KAT6A: variants seen among roughly 807,000 people sequenced by gnomAD.
The protein encoded by KAT6A is lysine acetyltransferase 6A.
KAT6A carries 9 observed loss-of-function variants against 198.4 expected under a neutral mutation model. The observed-to-expected ratio is 0.05, with a 90% confidence interval of 0.03 to 0.08. The LOEUF (loss-of-function observed/expected upper bound fraction) is 0.08. Among genes scored for constraint, KAT6A ranks in the 10% least tolerant of loss-of-function variants. The pLI is 1.00. For missense variants in KAT6A, 2,077 were observed against 2,509.9 expected (o/e 0.83, Z 3.69); for synonymous variants, 890 against 883.0 (o/e 1.01, Z -0.14).
At chr8:41,996,738 C>A (rs1264044984) in intron 2 of KAT6A, among the ~76,000 whole-genome samples, 1 of 152,136 alleles carries the variant, frequency 6.6e-6, no homozygotes, top group African/African-American at 2.4e-5. Context: ...AGAGATGAGG[C>A]CCCTTGATCT....
At position 41,937,460 on chromosome 8, in the gene KAT6A, C is replaced by T; in HGVS notation, c.3148G>A (p.Glu1050Lys). The T allele has an allele frequency of 6.2e-7, 1 of 1,614,138 alleles. No individual in the cohort carries two copies. Among genetic ancestry groups the T allele is most frequent in the Non-Finnish European group, 8.5e-7 (1 of 1,180,000 alleles). ...ATTGGCCTCTCGGAGTCAGAATCTT[C>T]AAAAGGTTCATCTAACACTTCAGTG... ...ETTEVLDEPFEDSDSERPMPR... is the reference protein window; with the variant it reads ...ETTEVLDEPFKDSDSERPMPR... Residue 1050 changes from glutamate to lysine, a missense_variant, in exon 16 of 17, where the codon GAA becomes AAA. By Grantham distance (56) the Glu-to-Lys change is moderately conservative (BLOSUM62 1). This residue lies in a region of KAT6A where 375 missense variants were observed against 383.0 expected (regional missense o/e 0.98). Coordinates refer to ENST00000265713, the MANE Select transcript of KAT6A (RefSeq NM_006766.5).
At chr8:41,955,906 A>G (rs1255670791) in intron 8 of KAT6A, among the ~76,000 whole-genome samples, 2 of 152,214 alleles carry the variant, frequency 1.3e-5, no homozygotes, top group South Asian at 2.1e-4. Flanking sequence ...GAGAAATACA[A>G]AAAGAATCTG....
At chr8:41,977,924 T>TA (rs559463496) in intron 6 of KAT6A, among the ~76,000 whole-genome samples, 12 of 152,174 alleles carry the variant, frequency 7.9e-5, no homozygotes, top group South Asian at 2.1e-4. Context: ...GTCTTACGTG[T>TA]AAAAAAAGTA....
chr8:42,031,948 G>A (rs1483435384), intron 2 of KAT6A, among the ~76,000 whole-genome samples: 1 of 141,702 alleles, frequency 7.1e-6, no homozygotes, highest in Non-Finnish European at 1.5e-5. Flanking sequence ...TTTTTTTTTT[G>A]AGACGGAGTC....
In KAT6A at chr8:41,940,912, T is replaced by C; in HGVS notation, c.2969A>G (p.Glu990Gly). Residue 990 changes from glutamate (E) to glycine (G), a missense_variant, in exon 15 of 17, where the codon GAG becomes GGG. Coordinates refer to ENST00000265713, the MANE Select transcript of KAT6A (RefSeq NM_006766.5). ...VLRGFSESSE[E>G]EEEPESPRSS... ...CCGAGGGCTTTCCGGCTCCTCCTCCTCCTCGCTGCTCTCACTGAAGCCCCT... is the reference window on the plus strand; with the variant it reads ...CCGAGGGCTTTCCGGCTCCTCCTCCCCCTCGCTGCTCTCACTGAAGCCCCT... The C allele has an allele frequency of 6.2e-7, 1 of 1,614,178 alleles. No individual in the cohort carries two copies. Among genetic ancestry groups the C allele is most frequent in the Non-Finnish European group, 8.5e-7 (1 of 1,180,032 alleles).
rs774516596 is a variant in KAT6A at position 41,942,844 on chromosome 8, C to T, written c.2385G>A (p.Glu795=). The part of the protein sequence containing the change: ...VVSEEEEEEA[E]EGENEEPQCQ... ...ACTGTGGCTCTTCGTTTTCTCCTTC[C>T]TCAGCCTCCTCTTCTTCCTCCTCTG... is the stretch of plus-strand genomic sequence containing the variant. Residue 795 remains glutamate (E), a synonymous_variant, in exon 14 of 17, where the codon GAG becomes GAA. Transcript: ENST00000265713. 1 of 1,614,122 alleles carries T rather than the reference C, an allele frequency of 6.2e-7. No homozygotes were observed. The highest frequency in any genetic ancestry group is 8.5e-7 in the Non-Finnish European group (1 of 1,180,008).
chr8:41,977,428 T>C (rs1824117220), intron 6 of KAT6A, 101 bp from the exon 7 acceptor site: 1 of 680,624 alleles, frequency 1.5e-6, no homozygotes, highest in African/African-American at 1.8e-5. Context: ...TACAGCTTTA[T>C]TAAAATCTAT....
chr8:41,960,359 C>T (rs1186636102), intron 8 of KAT6A, among the ~76,000 whole-genome samples: 1 of 151,898 alleles, frequency 6.6e-6, no homozygotes, highest in African/African-American at 2.4e-5. Context: ...GCCGGCGGAT[C>T]ACGATCGAGA....
intron 8 of KAT6A, among the ~76,000 whole-genome samples, chr8:41,955,992 T>G (rs964246242): frequency 6.6e-6 from 1 of 152,246 alleles, no homozygotes; most frequent in Non-Finnish European, 1.5e-5. Context: ...TGCATAGATT[T>G]AACCAAAGAA....
intron 2 of KAT6A, among the ~76,000 whole-genome samples, chr8:42,017,101 A>G (rs1174169408): frequency 6.6e-6 from 1 of 152,220 alleles, no homozygotes; most frequent in Non-Finnish European, 1.5e-5. Flanking sequence ...GGAAGCTGTC[A>G]GCCTTACAGT....
At chr8:41,977,575 G>A (rs1382207774) in intron 6 of KAT6A, 1 of 373,892 alleles carries the variant, frequency 2.7e-6, no homozygotes, top group Non-Finnish European at 4.8e-6. Flanking sequence ...ACTTGTTCTA[G>A]TCATAATTCT....
At chr8:41,949,721 T>C (rs1404628498) in intron 9 of KAT6A, among the ~76,000 whole-genome samples, 1 of 152,244 alleles carries the variant, frequency 6.6e-6, no homozygotes, top group Non-Finnish European at 1.5e-5. Context: ...AGTTCCCATT[T>C]TGAAAGCAGC....
At chr8:42,032,232 A>T (rs908942601) in intron 2 of KAT6A, among the ~76,000 whole-genome samples, 1 of 152,174 alleles carries the variant, frequency 6.6e-6, no homozygotes, top group Admixed American at 6.5e-5. Context: ...CTAAGATTGA[A>T]CAGACCTAGG....
rs555091826 is a variant in KAT6A, at chr8:41,953,947, T to C, written c.1598+1349A>G. Among the ~76,000 whole-genome samples, 4 of 152,312 alleles carry C rather than the reference T, an allele frequency of 2.6e-5. No homozygotes were observed. In the South Asian group the frequency reaches 8.3e-4, roughly 32 times the overall value. On this transcript the variant is annotated intron_variant, in intron 9 of 16. Transcript: ENST00000265713. ...TGGAAATGCAAATACAATGTAACCT[T>C]ATCTTAAAGTCACATTAATTGTTGT...
intron 4 of KAT6A, among the ~76,000 whole-genome samples, chr8:41,981,301 G>T (rs1403791646): frequency 2.0e-5 from 3 of 152,196 alleles, no homozygotes; most frequent in Non-Finnish European, 2.9e-5. Context: ...CTGGGCGACA[G>T]AGTGAGACTC....
In KAT6A at chr8:41,940,848, C is replaced by A; in HGVS notation, c.3033G>T (p.Lys1011Asn). 1 of 1,607,670 alleles carries A rather than the reference C, an allele frequency of 6.2e-7. No homozygotes were observed. The highest frequency in any genetic ancestry group is 1.1e-5 in the South Asian group (1 of 90,886). Reference protein sequence around the residue: ...SPPILTKPTLKRKKPFLHRRR... With the variant: ...SPPILTKPTLNRKKPFLHRRR... Reference sequence around the variant, plus strand: ...CTGGAAAGAAATGCGTTACCTTTCGCTTCAGCGTGGGCTTTGTGAGAATTG... The same window carrying A: ...CTGGAAAGAAATGCGTTACCTTTCGATTCAGCGTGGGCTTTGTGAGAATTG... The change falls in exon 15 of 17, where the codon AAG (lysine) becomes AAT (asparagine). Residue 1011 changes from lysine to asparagine, a missense_variant. By Grantham distance (94) the Lys-to-Asn change is moderately conservative. Coordinates refer to ENST00000265713, the MANE Select transcript of KAT6A (RefSeq NM_006766.5).
intron 8 of KAT6A, among the ~76,000 whole-genome samples, chr8:41,968,191 C>T (rs550313507): frequency 1.1e-4 from 17 of 152,124 alleles, no homozygotes; most frequent in East Asian, 5.8e-4. Context: ...ACAGGCAACC[C>T]ACAAAATGGG....
At chr8:41,971,498 G>A (rs1374651157) in intron 8 of KAT6A, among the ~76,000 whole-genome samples, 1 of 152,172 alleles carries the variant, frequency 6.6e-6, no homozygotes, top group Non-Finnish European at 1.5e-5. Flanking sequence ...TGCTTGGTGT[G>A]TCTGAGGAAG....
chr8:41,988,997 A>T (rs981991936), intron 2 of KAT6A, among the ~76,000 whole-genome samples: 6 of 152,200 alleles, frequency 3.9e-5, no homozygotes, highest in African/African-American at 1.2e-4. Context: ...AAAGTACAAT[A>T]AAATGTTTGT....
Sources: allele counts gnomAD v4.1 joint callset (sites outside exome capture counted in the v4.1 genomes callset), GRCh38; gene constraint gnomAD v4.1.1; regional missense constraint gnomAD v4.1.1; transcripts MANE v1.5; gene names NCBI Gene and HGNC (gene_info 2026-07-23, HGNC 2026-07-21).